SMARCA4: variants seen among roughly 807,000 people sequenced by gnomAD.
SMARCA4 encodes the protein SWI/SNF-related matrix-associated actin-dependent regulator of chromatin subfamily A member 4.
Under a neutral mutation model 193.9 loss-of-function variants are expected in SMARCA4, and 31 were observed. That is an observed-to-expected ratio of 0.16 (90% CI 0.12 to 0.22). The LOEUF is 0.22. SMARCA4 is among the 10% of genes least tolerant of loss of function. The pLI is 1.00. For synonymous variants in SMARCA4, 942 were observed against 933.1 expected, an observed-to-expected ratio of 1.01 and a Z score of -0.17; for missense variants, 1,148 against 2,296.0, an observed-to-expected ratio of 0.50 and a Z score of 10.22.
chr19:11,023,503 C>T lies in SMARCA4; in HGVS notation c.2860-15C>T, dbSNP rs1163391394. The stretch of plus-strand genomic sequence containing the variant: ...TGGAGGTAACGCTTGCTTCTCCTGT[C>T]TTGGGGGCTTCCAGGTGGACCTGAA... On this transcript the variant is annotated splice_polypyrimidine_tract_variant and intron_variant, in intron 19 of 34. Transcript: ENST00000344626. 1 of 1,550,178 alleles carries T rather than the reference C, an allele frequency of 6.5e-7. No homozygotes were observed. The highest frequency in any genetic ancestry group is 1.1e-5 in the South Asian group (1 of 88,956).
At chr19:11,002,799 C>CAAAAAAAAAA (rs747143883) in intron 11 of SMARCA4, among the ~76,000 whole-genome samples, 12 of 83,652 alleles carry the variant, frequency 1.4e-4, no homozygotes, top group East Asian at 3.7e-4. Context: ...GACTCCGTCT[C>CAAAAAAAAAA]AAAAAAAAAA....
chr19:11,047,218 T>A (rs1459193778), intron 30 of SMARCA4, among the ~76,000 whole-genome samples: 1 of 151,994 alleles, frequency 6.6e-6, no homozygotes, highest in Non-Finnish European at 1.5e-5. Context: ...GGCTACAGAT[T>A]AAAATCAACC....
intron 29 of SMARCA4, among the ~76,000 whole-genome samples, chr19:11,038,136 C>T (rs2075370422): frequency 6.6e-6 from 1 of 152,120 alleles, no homozygotes; most frequent in South Asian, 2.1e-4. Context: ...AGTCTGAACC[C>T]ACGGTGTGGG....
In SMARCA4 at chr19:10,989,359, C is replaced by T. The variant is rs1555756330; in HGVS notation, c.1161C>T (p.Asn387=). 1.2e-6 allele frequency: 2 copies of T among 1,614,094 alleles called. No homozygotes were observed. The highest frequency in any genetic ancestry group is 1.3e-5 in the African/African-American group (1 of 74,950). The change falls in exon 7 of 35, where the codon AAC becomes AAT. Residue 387 remains asparagine, a synonymous_variant. Transcript: ENST00000344626. ...RIAHRIQELE[N]LPGSLAGDLR... The stretch of plus-strand genomic sequence containing the variant: ...CACACCGAATTCAGGAACTTGAAAA[C>T]CTTCCCGGGTCCCTGGCCGGGGATT...
chr19:10,974,727 G>A (rs74179960), intron 1 of SMARCA4, among the ~76,000 whole-genome samples: 1 of 57,926 alleles, frequency 1.7e-5, no homozygotes, highest in African/African-American at 8.0e-5. Context: ...TTTTTTTTGA[G>A]ACAGAGTCTT....
intron 13 of SMARCA4, among the ~76,000 whole-genome samples, chr19:11,007,423 T>C: frequency 7.5e-6 from 1 of 134,068 alleles, no homozygotes; most frequent in Admixed American, 7.8e-5. Flanking sequence ...GAGTGACACT[T>C]CGTCTCAAAA....
intron 1 of SMARCA4, among the ~76,000 whole-genome samples, chr19:10,968,858 TG>T (rs2084448380): frequency 6.6e-6 from 1 of 152,170 alleles, no homozygotes; most frequent in Admixed American, 6.5e-5. Context: ...AAACTGCCCC[TG>T]TGATGATCAA....
At chr19:11,054,310 G>A (rs1343980816) in intron 30 of SMARCA4, among the ~76,000 whole-genome samples, 1 of 152,232 alleles carries the variant, frequency 6.6e-6, no homozygotes, top group Non-Finnish European at 1.5e-5. Context: ...GGGCATGGCT[G>A]GTGTGTGCCC....
chr19:11,027,979 AC>A, intron 24 of SMARCA4, 29 bp downstream of exon 24: 1 of 1,612,356 alleles, frequency 6.2e-7, no homozygotes, highest in Non-Finnish European at 8.5e-7. Context: ...GGCGTTTCTT[AC>A]AGGGTTTTGT....
At position 11,023,593 on chromosome 19, in the gene SMARCA4, C is replaced by A. The variant is rs769308802; in HGVS notation, c.2935C>A (p.Arg979=). The A allele has an allele frequency of 2.5e-6, 4 of 1,612,628 alleles. No homozygotes were observed. The highest frequency in any genetic ancestry group is 3.4e-6 in the Non-Finnish European group (4 of 1,179,308). The change falls in exon 20 of 35, where the codon CGA becomes AGA. Residue 979 remains arginine (R), a synonymous_variant. Coordinates refer to ENST00000344626, the MANE Select transcript of SMARCA4 (RefSeq NM_003072.5). ...HKVLRPFLLR[R]LKKEVEAQLP... ...AGTGCTGCGGCCCTTCTTGCTCCGA[C>A]GACTCAAGAAGGAAGTCGAGGCCCA...
In SMARCA4 at chr19:10,986,346, A is replaced by G. The variant is rs770656118; in HGVS notation, c.513A>G (p.Pro171=). 3.7e-6 allele frequency: 6 copies of G among 1,612,684 alleles called. No individual in the cohort carries two copies. The highest frequency in any genetic ancestry group is 1.1e-5 in the South Asian group (1 of 90,922). Residue 171 remains proline, a synonymous_variant, in exon 4 of 35, where the codon CCA becomes CCG. Transcript: ENST00000344626. The surrounding 1 kb of genome is among the most constrained non-coding windows in gnomAD (Gnocchi z 6.7). The part of the protein sequence containing the change: ...ALGQQNRGPT[P]FNQNQLHQLR... Reference sequence around the variant, plus strand: ...GGCAGCAGAACCGGGGCCCAACCCCATTTAACCAGAACCAGCTGCACCAGC... The same window carrying G: ...GGCAGCAGAACCGGGGCCCAACCCCGTTTAACCAGAACCAGCTGCACCAGC...
chr19:10,972,710 T>G (rs2084775705), intron 1 of SMARCA4, among the ~76,000 whole-genome samples: 1 of 152,166 alleles, frequency 6.6e-6, no homozygotes, highest in South Asian at 2.1e-4. Context: ...TCTTGCCGTC[T>G]CCACACAGTG....
chr19:10,962,180 C>T (rs552731092), intron 1 of SMARCA4, among the ~76,000 whole-genome samples: 17 of 152,218 alleles, frequency 1.1e-4, no homozygotes, highest in African/African-American at 3.6e-4. Flanking sequence ...AGTTTTCCTC[C>T]TTTGTGAAAG....
intron 16 of SMARCA4, among the ~76,000 whole-genome samples, chr19:11,017,978 T>C (rs1218957650): frequency 6.6e-6 from 1 of 152,230 alleles, no homozygotes; most frequent in Non-Finnish European, 1.5e-5. Context: ...CTGCTGAGCC[T>C]CTGCTCCCCA....
intron 14 of SMARCA4, among the ~76,000 whole-genome samples, chr19:11,008,863 A>G (rs976069730): frequency 6.6e-6 from 1 of 151,670 alleles, no homozygotes; most frequent in Non-Finnish European, 1.5e-5. Flanking sequence ...AGTCCCAGCT[A>G]CTTGGGAGGC....
chr19:11,060,045 C>T lies in SMARCA4; in HGVS notation c.4769C>T (p.Ser1590Phe), dbSNP rs2076772762. 1.3e-6 allele frequency: 2 copies of T among 1,565,612 alleles called. No homozygotes were observed. The highest frequency in any genetic ancestry group is 1.7e-6 in the Non-Finnish European group (2 of 1,155,364). Residue 1590 changes from serine to phenylalanine, a missense_variant and splice_region_variant, in exon 34 of 35, where the codon TCT (serine) becomes TTT (phenylalanine). Physicochemically the swap from Ser to Phe is radical, Grantham distance 155 (BLOSUM62 -2). This residue lies in a region of SMARCA4 where 105 missense variants were observed against 133.7 expected (regional missense o/e 0.79). Coordinates refer to ENST00000344626, the MANE Select transcript of SMARCA4 (RefSeq NM_003072.5). ...GTCTTTCCCTCCCGGTCCCCTCCAGCTCGGTCCGTCAAAGTGAAGATCAAG... is the reference window on the plus strand; with the variant it reads ...GTCTTTCCCTCCCGGTCCCCTCCAGTTCGGTCCGTCAAAGTGAAGATCAAG... The part of the protein sequence containing the change: ...EGEEEGSESE[S>F]RSVKVKIKLG...
At chr19:10,990,684 A>G (rs533271829) in intron 7 of SMARCA4, among the ~76,000 whole-genome samples, 1 of 152,182 alleles carries the variant, frequency 6.6e-6, no homozygotes, top group Non-Finnish European at 1.5e-5. Flanking sequence ...AAGTGCTGGG[A>G]TTACAGGCAT....
In SMARCA4 at chr19:11,041,143, T is replaced by G. The variant is rs1416171265; in HGVS notation, c.4171-164T>G. 2 of 717,884 alleles carry G rather than the reference T, an allele frequency of 2.8e-6. No individual in the cohort carries two copies. Among genetic ancestry groups the G allele is most frequent in the African/African-American group, 3.5e-5 (2 of 56,586 alleles). The allele number at this position is 717,884 out of a possible 1,614,324, so 44.5% of individuals were successfully genotyped here. On this transcript the variant is annotated intron_variant, in intron 29 of 34. Transcript: ENST00000344626. This position sits in a 1 kb window ranked among gnomAD's most constrained non-coding sequence, Gnocchi z 5.6. ...TCTTTCACTGCAGCCCAGGCACCCC[T>G]TGAGAGTCCCAGTGTGTGTTATGCC...
intron 1 of SMARCA4, among the ~76,000 whole-genome samples, chr19:10,967,311 A>G (rs970607439): frequency 1.3e-5 from 2 of 150,566 alleles, no homozygotes; most frequent in African/African-American, 4.9e-5. Context: ...ATTTTATTTT[A>G]TTTTATTTTT....
Sources: gnomAD v4.1 joint callset for allele counts (sites outside exome capture counted in the v4.1 genomes callset) on GRCh38, gnomAD v4.1.1 for gene constraint, gnomAD v4.1.1 regional missense constraint, Gnocchi (gnomAD v3.1) non-coding constraint, MANE v1.5 for transcripts, NCBI Gene and HGNC (gene_info 2026-07-23, HGNC 2026-07-21) for gene names.